BRWD3: variants seen among roughly 807,000 people sequenced by gnomAD.
BRWD3 encodes the protein bromodomain and WD repeat domain containing 3, also known as bromodomain and WD repeat-containing protein 3.
Under a neutral mutation model 149.7 loss-of-function variants are expected in BRWD3, and 10 were observed. The observed-to-expected ratio is 0.07, with a 90% CI of 0.04 to 0.11. BRWD3 has a LOEUF of 0.11. Ranked by LOEUF, BRWD3 falls within the 10% of genes least tolerant of loss-of-function variation. The pLI is 1.00. For synonymous variants in BRWD3, 504 were observed against 456.7 expected (o/e 1.10, Z -1.32); for missense variants, 940 against 1,373.2 (o/e 0.68, Z 4.99).
chrX:80,765,203 T>C lies in BRWD3; in HGVS notation c.431-19474A>G, dbSNP rs756563536. On this transcript the variant is annotated intron_variant, in intron 6 of 40. Coordinates refer to ENST00000373275, the MANE Select transcript of BRWD3 (RefSeq NM_153252.5). ...TCTATTAAACTGAAAGTTAAGACTG[T>C]TGCCCAGCCAATCACTTAAAGCAAG... 3.6e-5 allele frequency among the ~76,000 whole-genome samples: 4 copies of C among 111,861 alleles called. No individual in the cohort carries two copies. The East Asian group carries it at 1.1e-3, about 31-fold the overall frequency.
intron 6 of BRWD3, among the ~76,000 whole-genome samples, chrX:80,748,669 C>CT (rs1026885291): frequency 9.1e-6 from 1 of 110,030 alleles, no homozygotes; most frequent in Non-Finnish European, 1.9e-5. Flanking sequence ...TATTGTTTAC[C>CT]TTTTTAACAA....
intron 40 of BRWD3, 142 bp from the exon 41 acceptor site, chrX:80,677,505 A>G (rs1226353436): frequency 4.0e-5 from 35 of 880,696 alleles, no homozygotes; most frequent in Non-Finnish European, 4.8e-5. Flanking sequence ...AAATTTCTTC[A>G]AAATAGAAGA....
chrX:80,687,795 G>T (rs1252578456), intron 34 of BRWD3, among the ~76,000 whole-genome samples: 1 of 109,910 alleles, frequency 9.1e-6, no homozygotes, highest in African/African-American at 3.3e-5. Context: ...GCTGGAAAAA[G>T]AGTGTAATAT....
intron 27 of BRWD3, among the ~76,000 whole-genome samples, chrX:80,694,515 G>A (rs1200923233): frequency 9.0e-6 from 1 of 110,599 alleles, no homozygotes; most frequent in Non-Finnish European, 1.9e-5. Context: ...GACACTCAAC[G>A]CCAGCCTGTG....
At chrX:80,720,488 A>T (rs2073132854) in intron 17 of BRWD3, among the ~76,000 whole-genome samples, 1 of 112,270 alleles carries the variant, frequency 8.9e-6, no homozygotes, top group Admixed American at 9.5e-5. Flanking sequence ...AAAATATTTT[A>T]TACAGCTGTA....
chrX:80,726,087 AC>A (rs1569262996), intron 14 of BRWD3, among the ~76,000 whole-genome samples: 4 of 106,781 alleles, frequency 3.7e-5, no homozygotes, highest in Admixed American at 3.0e-4. Flanking sequence ...TGTCTGTATA[AC>A]AACATGTTTA....
chrX:80,708,968 C>T (rs1355082275), intron 21 of BRWD3, among the ~76,000 whole-genome samples: 1 of 112,092 alleles, frequency 8.9e-6, no homozygotes, highest in African/African-American at 3.2e-5. Context: ...AGAAGCTATG[C>T]TCTTTATTCA....
rs144213059 is a variant in BRWD3 at position 80,715,366 on chromosome X, T to C, written c.2325+791A>G. Among the ~76,000 whole-genome samples the C allele has an allele frequency of 6.4e-3, 720 of 111,948 alleles. 3 individuals are homozygous for C. Among genetic ancestry groups the C allele is most frequent in the Middle Eastern group, 0.014 (3 of 214 alleles). On this transcript the variant is annotated intron_variant, in intron 20 of 40. Coordinates refer to ENST00000373275, the MANE Select transcript of BRWD3 (RefSeq NM_153252.5). Reference sequence around the variant, plus strand: ...TACCTAAATTTCTGTTTATCAATTATGGAAAAAAATGCAAATTCAGGGTCC... The same window carrying C: ...TACCTAAATTTCTGTTTATCAATTACGGAAAAAAATGCAAATTCAGGGTCC...
In BRWD3 at chrX:80,676,919, C is replaced by T; in HGVS notation, c.5099G>A (p.Gly1700Asp). 1 of 1,205,587 alleles carries T rather than the reference C, an allele frequency of 8.3e-7. No individual in the cohort carries two copies. Among genetic ancestry groups the T allele is most frequent in the Non-Finnish European group, 1.1e-6 (1 of 890,374 alleles). Residue 1700 changes from glycine (G) to aspartate (D), a missense_variant, in exon 41 of 41, where the codon GGT becomes GAT. Physicochemically the swap from Gly to Asp is moderately conservative, Grantham distance 94 (BLOSUM62 -1). Around this residue, in one of 6 missense-constraint regions of BRWD3, gnomAD observed 349 missense variants for 419.6 expected, o/e 0.83. Transcript: ENST00000373275. ...TCCCCTCCCCCTAGTGCCACCTCCACCTCTTCCTCGACTCCCTCGTCCCCT... is the reference window on the plus strand; with the variant it reads ...TCCCCTCCCCCTAGTGCCACCTCCATCTCTTCCTCGACTCCCTCGTCCCCT... ...GGRGRGSRGR[G>D]GGGTRGRGRG...
At chrX:80,757,800 A>G (rs1331489016) in intron 6 of BRWD3, among the ~76,000 whole-genome samples, 2 of 112,689 alleles carry the variant, frequency 1.8e-5, no homozygotes, top group Non-Finnish European at 3.7e-5. Flanking sequence ...CATAAGATCA[A>G]TAAACAGCCA....
chrX:80,734,998 AC>A, intron 10 of BRWD3, 128 bp downstream of exon 10: 1 of 577,870 alleles, frequency 1.7e-6, no homozygotes, highest in Non-Finnish European at 2.9e-6. Flanking sequence ...ATCTATCATA[AC>A]ACATGGTTCA....
At chrX:80,777,035 G>T (rs2074006455) in intron 6 of BRWD3, among the ~76,000 whole-genome samples, 1 of 109,029 alleles carries the variant, frequency 9.2e-6, no homozygotes, top group South Asian at 4.1e-4. Context: ...CAGACTACAG[G>T]CTAATTCTTA....
intron 6 of BRWD3, among the ~76,000 whole-genome samples, chrX:80,774,190 A>T (rs1182858939): frequency 9.0e-6 from 1 of 111,578 alleles, no homozygotes; most frequent in African/African-American, 3.3e-5. Flanking sequence ...TTTCGCATAT[A>T]TATTTTTGTT....
intron 15 of BRWD3, 102 bp from the exon 16 acceptor site, chrX:80,723,978 A>T: frequency 1.1e-6 from 1 of 930,536 alleles, no homozygotes; most frequent in Non-Finnish European, 1.5e-6. Flanking sequence ...TGATACACAA[A>T]CATTCCAAAG....
intron 17 of BRWD3, among the ~76,000 whole-genome samples, chrX:80,721,746 G>C (rs1307295435): frequency 8.9e-6 from 1 of 111,922 alleles, no homozygotes; most frequent in South Asian, 3.7e-4. Context: ...CCAAGACTGA[G>C]TGTTATTTAA....
intron 6 of BRWD3, among the ~76,000 whole-genome samples, chrX:80,758,499 T>C (rs2073768811): frequency 9.0e-6 from 1 of 111,714 alleles, no homozygotes; most frequent in Non-Finnish European, 1.9e-5. Flanking sequence ...GACCTCTGCC[T>C]AAACACTAGT....
intron 8 of BRWD3, among the ~76,000 whole-genome samples, chrX:80,739,784 CTAA>C (rs1344459498): frequency 9.0e-6 from 1 of 110,891 alleles, no homozygotes; most frequent in African/African-American, 3.3e-5. Flanking sequence ...CAAATAATAC[CTAA>C]TAATAATGTT....
intron 8 of BRWD3, 74 bp from the exon 9 acceptor site, chrX:80,736,162 A>G: frequency 6.2e-6 from 4 of 649,190 alleles, no homozygotes; most frequent in Non-Finnish European, 9.5e-6. Flanking sequence ...GAGTATTTTC[A>G]AATTGTAATC....
At chrX:80,803,085 G>C (rs1240758707) in intron 4 of BRWD3, among the ~76,000 whole-genome samples, 1 of 86,552 alleles carries the variant, frequency 1.2e-5, no homozygotes, top group Non-Finnish European at 2.1e-5. Context: ...CTGGGCGACA[G>C]CGCAAGACTC....
Sources: gnomAD v4.1 joint callset for allele counts (sites outside exome capture counted in the v4.1 genomes callset) on GRCh38, gnomAD v4.1.1 for gene constraint, gnomAD v4.1.1 regional missense constraint, MANE v1.5 for transcripts, NCBI Gene and HGNC (gene_info 2026-07-23, HGNC 2026-07-21) for gene names.